Variants in STOML3 observed in about 807,000 individuals in gnomAD.
STOML3 encodes the protein stomatin-like protein 3.
In STOML3, 31 loss-of-function variants were observed where a neutral mutation model predicts 29.5. The observed-to-expected ratio is 1.05, with a 90% CI of 0.79 to 1.42. The LOEUF (loss-of-function observed/expected upper bound fraction) is 1.42. STOML3 is among the 40% of genes most tolerant of loss of function. The probability of loss-of-function intolerance (pLI) is 0.00; values close to 1 mark genes in which losing one functional copy is unlikely to be tolerated. For synonymous variants in STOML3, 122 were observed against 139.8 expected, an observed-to-expected ratio of 0.87 and a Z score of 0.90; for missense variants, 380 against 363.0, an observed-to-expected ratio of 1.05 and a Z score of -0.38.
intron 1 of STOML3, among the ~76,000 whole-genome samples, chr13:38,984,131 A>G (rs971216605): frequency 1.2e-4 from 18 of 151,798 alleles, no homozygotes; most frequent in Non-Finnish European, 4.4e-5. Flanking sequence ...CTCTTCCTAC[A>G]TTCGTCATTT....
intron 1 of STOML3, among the ~76,000 whole-genome samples, chr13:38,983,612 T>G (rs1178435979): frequency 6.6e-6 from 1 of 152,212 alleles, no homozygotes; most frequent in Non-Finnish European, 1.5e-5. Flanking sequence ...AGATAACCCT[T>G]GGAACCTTGA....
intron 1 of STOML3, among the ~76,000 whole-genome samples, chr13:38,985,911 C>CTTTCT (rs1868503447): frequency 3.5e-5 from 3 of 85,616 alleles, no homozygotes; most frequent in African/African-American, 9.0e-5. Flanking sequence ...TCTTTTCTTT[C>CTTTCT]TTTTTTTTTT....
chr13:38,970,148 G>A (rs575747510), intron 5 of STOML3, 37 bp downstream of exon 5: 1 of 1,566,778 alleles, frequency 6.4e-7, no homozygotes, highest in East Asian at 2.3e-5. Flanking sequence ...AAATTAACAA[G>A]TTAAAGATAC....
At chr13:38,979,831 G>T (rs527524054) in intron 1 of STOML3, among the ~76,000 whole-genome samples, 2 of 152,266 alleles carry the variant, frequency 1.3e-5, no homozygotes, top group South Asian at 4.1e-4. Flanking sequence ...GTCATGTTTG[G>T]TGTGTTTCCT....
chr13:38,969,194 A>C lies in STOML3; in HGVS notation c.517-660T>G, dbSNP rs555029174. ...ATTTTTCAAGGCAGAAGCAGCCTAA[A>C]GTCAAAGATACTCTTGTCTTTCGTA... On this transcript the variant is annotated intron_variant, in intron 5 of 6. Coordinates refer to ENST00000379631, the MANE Select transcript of STOML3 (RefSeq NM_145286.3). 2.0e-5 allele frequency among the ~76,000 whole-genome samples: 3 copies of C among 152,358 alleles called. No homozygotes were observed. In the East Asian group the frequency reaches 5.8e-4, roughly 29 times the overall value.
chr13:38,970,481 G>C, intron 4 of STOML3, 93 bp from the exon 5 acceptor site: 1 of 1,059,794 alleles, frequency 9.4e-7, no homozygotes, highest in Non-Finnish European at 1.4e-6. Flanking sequence ...CTCCACAGAA[G>C]GAGAGCAGTA....
intron 5 of STOML3, among the ~76,000 whole-genome samples, chr13:38,969,407 G>T (rs1446523993): frequency 6.6e-6 from 1 of 152,166 alleles, no homozygotes; most frequent in Non-Finnish European, 1.5e-5. Flanking sequence ...CAGTGACCTG[G>T]CTGTGGATGG....
At chr13:38,969,448 A>T (rs1215337309) in intron 5 of STOML3, among the ~76,000 whole-genome samples, 1 of 152,212 alleles carries the variant, frequency 6.6e-6, no homozygotes, top group Non-Finnish European at 1.5e-5. Context: ...TTCGTGGGGC[A>T]CATATAAACA....
chr13:38,974,327 C>T (rs9566384), intron 3 of STOML3, among the ~76,000 whole-genome samples: 23,518 of 151,950 alleles, frequency 0.15, 2,220 homozygotes, highest in East Asian at 0.31. Context: ...AGTATCACCA[C>T]CCCTTTACAC....
chr13:38,984,761 G>A (rs1868442824), intron 1 of STOML3, among the ~76,000 whole-genome samples: 1 of 152,150 alleles, frequency 6.6e-6, no homozygotes, highest in South Asian at 2.1e-4. Context: ...AGCAGTACAT[G>A]ATTGTACACC....
chr13:38,976,628 C>A lies in STOML3; in HGVS notation c.157-16G>T, dbSNP rs377002430. On this transcript the variant is annotated splice_polypyrimidine_tract_variant and intron_variant, in intron 2 of 6. Coordinates refer to ENST00000379631, the MANE Select transcript of STOML3 (RefSeq NM_145286.3). ...CCTTAATGATCTAGGAGATTAAGGG[C>A]GAACGTTTAGTCCTAATGGTTTGTC... 6.2e-7 allele frequency: 1 copy of A among 1,614,060 alleles called. No individual in the cohort carries two copies. Among genetic ancestry groups the A allele is most frequent in the Non-Finnish European group, 8.5e-7 (1 of 1,179,992 alleles).
intron 1 of STOML3, among the ~76,000 whole-genome samples, chr13:38,989,278 A>G (rs1429676684): frequency 1.3e-5 from 2 of 151,948 alleles, no homozygotes; most frequent in African/African-American, 4.8e-5. Context: ...CACTGATGAT[A>G]CAGCTTCAGT....
intron 1 of STOML3, among the ~76,000 whole-genome samples, chr13:38,980,684 T>C (rs375983038): frequency 2.6e-5 from 4 of 152,304 alleles, no homozygotes; most frequent in East Asian, 1.9e-4. Flanking sequence ...TACTTCCTAG[T>C]AGAAAACTGG....
At chr13:38,978,674 T>C (rs1310023358) in intron 1 of STOML3, among the ~76,000 whole-genome samples, 1 of 152,146 alleles carries the variant, frequency 6.6e-6, no homozygotes, top group Non-Finnish European at 1.5e-5. Flanking sequence ...CAGGTCATCA[T>C]TGCCTCTTCC....
At chr13:38,990,596 C>A (rs1390392386) in intron 1 of STOML3, 74 bp downstream of exon 1, 1 of 1,480,590 alleles carries the variant, frequency 6.8e-7, no homozygotes, top group Non-Finnish European at 9.4e-7. Context: ...TACTCTATAC[C>A]TGTCTATAAT....
chr13:38,979,069 T>C (rs1051567006), intron 1 of STOML3, among the ~76,000 whole-genome samples: 3 of 152,234 alleles, frequency 2.0e-5, no homozygotes, highest in African/African-American at 7.2e-5. Context: ...AACTACATTT[T>C]AGATACATAT....
intron 1 of STOML3, among the ~76,000 whole-genome samples, chr13:38,979,025 CCTT>C (rs1273398921): frequency 6.6e-6 from 1 of 152,180 alleles, no homozygotes; most frequent in Admixed American, 6.5e-5. Context: ...ATCATTTCAA[CCTT>C]CTCAGTCGTT....
chr13:38,988,319 A>G (rs1301063205), intron 1 of STOML3, among the ~76,000 whole-genome samples: 1 of 61,030 alleles, frequency 1.6e-5, no homozygotes, highest in Non-Finnish European at 2.6e-5. Context: ...TATATAATAT[A>G]TTATATTTTA....
chr13:38,971,230 G>A (rs987842205), intron 4 of STOML3, among the ~76,000 whole-genome samples: 20 of 151,874 alleles, frequency 1.3e-4, no homozygotes, highest in East Asian at 1.9e-4. Flanking sequence ...ATGAGGTTTC[G>A]CCATGTTGGC....
Sources: gnomAD v4.1 joint callset for allele counts (sites outside exome capture counted in the v4.1 genomes callset) on GRCh38, gnomAD v4.1.1 for gene constraint, MANE v1.5 for transcripts, NCBI Gene and HGNC (gene_info 2026-07-23, HGNC 2026-07-21) for gene names.